Variants in MZT2B observed in about 807,000 individuals in gnomAD.
The protein encoded by MZT2B is mitotic-spindle organizing protein 2B.
Under a neutral mutation model 12.1 loss-of-function variants are expected in MZT2B, and 11 were observed. The observed-to-expected ratio is 0.91, with a 90% CI of 0.57 to 1.50. The LOEUF (loss-of-function observed/expected upper bound fraction) is 1.50, where lower values mean the gene tolerates loss of function less well. MZT2B is among the 40% of genes most tolerant of loss of function. The pLI, the probability that MZT2B is intolerant of heterozygous loss-of-function variation, is 0.00. For synonymous variants in MZT2B, 85 were observed against 109.5 expected (o/e 0.78, Z 1.40); for missense variants, 209 against 227.7 (o/e 0.92, Z 0.53).
intron 2 of MZT2B, among the ~76,000 whole-genome samples, chr2:130,185,962 A>C (rs925968184): frequency 6.6e-6 from 1 of 152,002 alleles, no homozygotes. Context: ...GTGGAACCTG[A>C]GGAGGAGGTG....
chr2:130,197,633 C>CA, the MZT2B span, among the ~76,000 whole-genome samples: 1 of 127,546 alleles, frequency 7.8e-6, no homozygotes, highest in Non-Finnish European at 1.7e-5. Context: ...TTTTTTGAGG[C>CA]AGGGTCTCTG....
At chr2:130,197,629 G>C in the MZT2B span, among the ~76,000 whole-genome samples, 1 of 127,104 alleles carries the variant, frequency 7.9e-6, no homozygotes, top group African/African-American at 2.7e-5. Context: ...TTGGTTTTTT[G>C]AGGCAGGGTC....
At chr2:130,190,389 G>A in intron 2 of MZT2B, 80 bp from the exon 3 acceptor site, 1 of 1,578,104 alleles carries the variant, frequency 6.3e-7, no homozygotes, top group Middle Eastern at 2.0e-4. Context: ...CACAAATGTT[G>A]CCCAAGGACC....
the MZT2B span, chr2:130,202,176 C>T: frequency 2.1e-6 from 1 of 486,252 alleles, no homozygotes; most frequent in South Asian, 2.9e-5. Context: ...AGTATTGCTG[C>T]CTTGTGTATT....
upstream of MZT2B, chr2:130,182,084 A>C (rs1341327344): frequency 6.9e-5 from 93 of 1,348,452 alleles, no homozygotes; most frequent in Non-Finnish European, 8.5e-5. Context: ...CGGCTCCTAG[A>C]GCGCCGCTCA....
At chr2:130,195,036 C>G (rs1361373932), downstream of MZT2B, 2 of 1,606,114 alleles carry the variant, frequency 1.2e-6, no homozygotes, top group Non-Finnish European at 1.7e-6. Context: ...AGAACTACCC[C>G]TCCCATGCAA....
At chr2:130,187,130 A>G (rs1690095331) in intron 2 of MZT2B, among the ~76,000 whole-genome samples, 1 of 139,990 alleles carries the variant, frequency 7.1e-6, no homozygotes, top group Non-Finnish European at 1.6e-5. Context: ...ACGTATTGAA[A>G]TAATACGTTG....
At chr2:130,194,606 A>G, downstream of MZT2B, 1 of 1,100,144 alleles carries the variant, frequency 9.1e-7, no homozygotes, top group East Asian at 2.6e-5. Flanking sequence ...ATACACTTTG[A>G]AGCAAAGAAA....
chr2:130,187,871 C>T (rs1270349088), intron 2 of MZT2B, among the ~76,000 whole-genome samples: 4 of 152,038 alleles, frequency 2.6e-5, no homozygotes, highest in African/African-American at 7.2e-5. Flanking sequence ...GTTTGTCAAC[C>T]CTGTCAGATT....
the MZT2B span, among the ~76,000 whole-genome samples, chr2:130,197,657 A>G: frequency 7.9e-6 from 1 of 126,538 alleles, no homozygotes; most frequent in Non-Finnish European, 1.8e-5. Flanking sequence ...CCCAGGCTGG[A>G]GTGCACTGGC....
downstream of MZT2B, among the ~76,000 whole-genome samples, chr2:130,193,236 C>T (rs147134834): frequency 5.2e-3 from 784 of 151,720 alleles, 7 homozygotes; most frequent in Middle Eastern, 0.034. Context: ...AGAGACAAAG[C>T]GAGACCCTGT....
the MZT2B span, chr2:130,198,294 T>C: frequency 1.5e-6 from 2 of 1,346,042 alleles, 1 homozygote; most frequent in East Asian, 5.5e-5. Context: ...AACGTCCCTC[T>C]GTCCACCCGA....
the MZT2B span, among the ~76,000 whole-genome samples, chr2:130,197,497 AAAAAAAAAAAAG>A: frequency 8.3e-6 from 1 of 119,916 alleles, no homozygotes; most frequent in African/African-American, 3.1e-5. Flanking sequence ...TGTCTCAAAA[AAAAAAAAAAAAG>A]AAAAGAAAAG....
chr2:130,202,668 A>T, the MZT2B span, among the ~76,000 whole-genome samples: 3 of 152,284 alleles, frequency 2.0e-5, no homozygotes, highest in African/African-American at 7.2e-5. Context: ...GGTGCCTTTC[A>T]GCGTGCTGCC....
downstream of MZT2B, among the ~76,000 whole-genome samples, chr2:130,192,648 G>A (rs1230771238): frequency 2.0e-5 from 3 of 152,210 alleles, no homozygotes; most frequent in South Asian, 2.1e-4. Context: ...GGTCGAAGTG[G>A]TCCATGTGCC....
intron 2 of MZT2B, among the ~76,000 whole-genome samples, chr2:130,185,702 C>T (rs1361653911): frequency 2.9e-5 from 3 of 105,222 alleles, no homozygotes; most frequent in Non-Finnish European, 3.9e-5. Context: ...TGGGGGGGCA[C>T]GGTCAAGATG....
the MZT2B span, chr2:130,196,421 A>C: frequency 1.3e-6 from 2 of 1,590,854 alleles, no homozygotes; most frequent in South Asian, 2.3e-5. Context: ...GGCAACTTGA[A>C]ACTATATGGC....
At chr2:130,184,767 A>G (rs1278942285) in intron 2 of MZT2B, 2 of 985,306 alleles carry the variant, frequency 2.0e-6, no homozygotes, top group Non-Finnish European at 2.4e-6. Flanking sequence ...CTGCTCACTC[A>G]GCACTCACTC....
chr2:130,189,207 GGTT>G (rs1274555910), intron 2 of MZT2B, among the ~76,000 whole-genome samples: 1 of 152,172 alleles, frequency 6.6e-6, no homozygotes, highest in Non-Finnish European at 1.5e-5. Context: ...CCAGGAAAGA[GGTT>G]GTGCCTAGGC....
Sources: allele counts gnomAD v4.1 joint callset (sites outside exome capture counted in the v4.1 genomes callset), GRCh38; gene constraint gnomAD v4.1.1; transcripts MANE v1.5; gene names NCBI Gene and HGNC (gene_info 2026-07-23, HGNC 2026-07-21).